PTPRK: variants seen among roughly 807,000 people sequenced by gnomAD.
PTPRK encodes protein tyrosine phosphatase receptor type K.
PTPRK carries 75 observed loss-of-function variants against 178.0 expected under a neutral mutation model. The ratio of observed to expected loss-of-function variants is 0.42; its 90% confidence interval spans 0.35 to 0.51. PTPRK has a LOEUF of 0.51. Ranked by LOEUF, PTPRK falls within the 20% of genes least tolerant of loss-of-function variation. The pLI is 0.02. For synonymous variants in PTPRK, 637 were observed against 620.6 expected, an observed-to-expected ratio of 1.03 and a Z score of -0.39; for missense variants, 1,441 against 1,797.8, an observed-to-expected ratio of 0.80 and a Z score of 3.59.
intron 7 of PTPRK, among the ~76,000 whole-genome samples, chr6:128,154,686 G>T (rs1554319882): frequency 6.6e-6 from 1 of 151,318 alleles, no homozygotes; most frequent in Non-Finnish European, 1.5e-5. Flanking sequence ...GAAATAAAAT[G>T]CAATTACAGA....
chr6:128,408,024 T>TA (rs1841892303), intron 1 of PTPRK, among the ~76,000 whole-genome samples: 1 of 152,176 alleles, frequency 6.6e-6, no homozygotes, highest in Admixed American at 6.5e-5. Flanking sequence ...TTCAAGTCAC[T>TA]AAAAATAGAT....
At chr6:128,444,323 A>C (rs140739185) in intron 1 of PTPRK, among the ~76,000 whole-genome samples, 1 of 152,254 alleles carries the variant, frequency 6.6e-6, no homozygotes, top group Non-Finnish European at 1.5e-5. Flanking sequence ...TCCCATCCCC[A>C]GGTGATGTAT....
intron 2 of PTPRK, among the ~76,000 whole-genome samples, chr6:128,386,627 T>C (rs1838774819): frequency 6.6e-6 from 1 of 152,252 alleles, no homozygotes; most frequent in Admixed American, 6.5e-5. Flanking sequence ...TAATAAAGGC[T>C]ACTGAAAACA....
intron 1 of PTPRK, among the ~76,000 whole-genome samples, chr6:128,415,935 C>T: frequency 6.6e-6 from 1 of 152,116 alleles, no homozygotes; most frequent in South Asian, 2.1e-4. Flanking sequence ...ATGTTTGGGG[C>T]TGATAATATA....
chr6:128,164,829 T>C (rs1490425852), intron 7 of PTPRK, among the ~76,000 whole-genome samples: 2 of 151,122 alleles, frequency 1.3e-5, no homozygotes, highest in African/African-American at 2.4e-5. Flanking sequence ...GAATATAATA[T>C]ACATTAGAAT....
chr6:128,023,109 A>G (rs997814164), intron 13 of PTPRK, among the ~76,000 whole-genome samples: 2 of 152,234 alleles, frequency 1.3e-5, no homozygotes, highest in African/African-American at 2.4e-5. Context: ...ATGGGGCAAA[A>G]GAAGAGTCAA....
chr6:128,082,713 G>A (rs1785038636), intron 9 of PTPRK, 75 bp from the exon 10 acceptor site: 1 of 1,171,946 alleles, frequency 8.5e-7, no homozygotes, highest in African/African-American at 1.5e-5. Context: ...GTATAAATAA[G>A]GTAGTATGCA....
At chr6:128,161,324 T>C (rs566370000) in intron 7 of PTPRK, among the ~76,000 whole-genome samples, 1 of 151,732 alleles carries the variant, frequency 6.6e-6, no homozygotes, top group South Asian at 2.1e-4. Context: ...ATGTGAATTG[T>C]CAATGTGTAT....
chr6:128,293,346 A>G (rs1249094523), intron 3 of PTPRK, among the ~76,000 whole-genome samples: 1 of 152,058 alleles, frequency 6.6e-6, no homozygotes, highest in African/African-American at 2.4e-5. Context: ...ATCCTCAGAG[A>G]GGAGAAATGC....
At chr6:128,495,281 C>T (rs1004634610) in intron 1 of PTPRK, among the ~76,000 whole-genome samples, 5 of 152,090 alleles carry the variant, frequency 3.3e-5, no homozygotes, top group African/African-American at 1.2e-4. Context: ...TAAATGACTA[C>T]ATTTTAAACA....
intron 29 of PTPRK, 139 bp from the exon 30 acceptor site, chr6:127,970,419 A>G (rs1237976951): frequency 7.5e-6 from 4 of 534,368 alleles, no homozygotes; most frequent in South Asian, 3.7e-5. Context: ...TGAGATTAAT[A>G]TCTAGGCATA....
At chr6:128,448,639 T>G (rs1468410234) in intron 1 of PTPRK, among the ~76,000 whole-genome samples, 2 of 152,168 alleles carry the variant, frequency 1.3e-5, no homozygotes, top group Non-Finnish European at 2.9e-5. Flanking sequence ...AATCAAAGAT[T>G]TTCTAATCTG....
chr6:128,304,907 T>C (rs1395607513), intron 3 of PTPRK, among the ~76,000 whole-genome samples: 1 of 152,194 alleles, frequency 6.6e-6, no homozygotes, highest in Non-Finnish European at 1.5e-5. Context: ...TAACTCACCA[T>C]GGCAGTTTAA....
In PTPRK at chr6:128,393,408, T is replaced by C. The variant is rs78499197; in HGVS notation, c.223+4158A>G. Among the ~76,000 whole-genome samples, 11 of 152,248 alleles carry C rather than the reference T, an allele frequency of 7.2e-5. No homozygotes were observed. In the East Asian group the frequency reaches 1.9e-3, roughly 27 times the overall value. ...CCGGCTGTTCATAAGGACCTTATAGTCTAATGGACAGAAGGACATATAAGA... is the reference window on the plus strand; with the variant it reads ...CCGGCTGTTCATAAGGACCTTATAGCCTAATGGACAGAAGGACATATAAGA... On this transcript the variant is annotated intron_variant, in intron 2 of 29. Coordinates refer to ENST00000368226, the MANE Select transcript of PTPRK (RefSeq NM_002844.4).
chr6:128,323,708 G>T (rs1385291629), intron 2 of PTPRK, among the ~76,000 whole-genome samples: 3 of 152,108 alleles, frequency 2.0e-5, no homozygotes, highest in Non-Finnish European at 2.9e-5. Flanking sequence ...GAGAGCTTTT[G>T]GGAAGATTTC....
At chr6:128,077,363 C>T (rs1408114306) in intron 11 of PTPRK, among the ~76,000 whole-genome samples, 1 of 152,036 alleles carries the variant, frequency 6.6e-6, no homozygotes, top group African/African-American at 2.4e-5. Flanking sequence ...GTTTATATTA[C>T]AAGTACACCC....
At chr6:128,248,678 A>G (rs571225123) in intron 3 of PTPRK, among the ~76,000 whole-genome samples, 35 of 152,306 alleles carry the variant, frequency 2.3e-4, no homozygotes, top group African/African-American at 8.2e-4. Context: ...TGTATGAAGA[A>G]TGGAAGTGGA....
At chr6:128,123,468 T>A (rs1792809652) in intron 7 of PTPRK, among the ~76,000 whole-genome samples, 1 of 152,186 alleles carries the variant, frequency 6.6e-6, no homozygotes, top group Admixed American at 6.5e-5. Flanking sequence ...AAAAATAAAT[T>A]TTTAGAATAG....
chr6:128,064,066 C>G (rs559183512), intron 13 of PTPRK, among the ~76,000 whole-genome samples: 14 of 152,168 alleles, frequency 9.2e-5, no homozygotes, highest in Non-Finnish European at 1.8e-4. Flanking sequence ...GCAATTTATT[C>G]TTTGTTGGCA....
Sources: allele counts gnomAD v4.1 joint callset (sites outside exome capture counted in the v4.1 genomes callset), GRCh38; gene constraint gnomAD v4.1.1; transcripts MANE v1.5; gene names NCBI Gene and HGNC (gene_info 2026-07-23, HGNC 2026-07-21).